RCC1L: variants seen among roughly 807,000 people sequenced by gnomAD.
RCC1L encodes the protein RCC1-like G exchanging factor-like protein.
In RCC1L, 46 loss-of-function variants were observed where a neutral mutation model predicts 58.6. That is an observed-to-expected ratio of 0.79 (90% CI 0.62 to 1.00). The LOEUF is 1.00. Among genes scored for constraint, RCC1L ranks in the 50% least tolerant of loss-of-function variants. The pLI is 0.00. For synonymous variants in RCC1L, 281 were observed against 262.9 expected, an observed-to-expected ratio of 1.07 and a Z score of -0.67; for missense variants, 636 against 623.6, an observed-to-expected ratio of 1.02 and a Z score of -0.21.
intron 2 of RCC1L, 77 bp downstream of exon 2, chr7:75,070,563 C>T (rs1806685554): frequency 6.4e-7 from 1 of 1,560,900 alleles, no homozygotes; most frequent in Non-Finnish European, 8.7e-7. Context: ...GACTGAGACT[C>T]TGTCTCAAAA....
chr7:75,073,397 G>A lies in RCC1L; in HGVS notation c.324+17C>T. On this transcript the variant is annotated intron_variant, in intron 1 of 10. Transcript: ENST00000610322. ...GGAAGAGAGAGAAGGAGAGAAGGAG[G>A]AAGCCGCGGCCTGCACCTTTTGGTC... 8.9e-7 allele frequency: 1 copy of A among 1,118,442 alleles called. No homozygotes were observed. The highest frequency in any genetic ancestry group is 1.2e-6 in the Non-Finnish European group (1 of 850,946). The allele number at this position is 1,118,442 out of a possible 1,614,324, so 69.3% of individuals were successfully genotyped here.
At chr7:75,066,827 A>C (rs1165571538) in intron 2 of RCC1L, 35 bp from the exon 3 acceptor site, 24 of 1,580,412 alleles carry the variant, frequency 1.5e-5, no homozygotes, top group Non-Finnish European at 2.0e-5. Context: ...TGAGGCATGC[A>C]TTTCTACCAC....
chr7:75,040,100 G>A (rs934580462), downstream of RCC1L, among the ~76,000 whole-genome samples: 6 of 152,108 alleles, frequency 3.9e-5, no homozygotes, highest in Non-Finnish European at 8.8e-5. Flanking sequence ...GAGCCCAGCT[G>A]GAAGAAAGAA....
At chr7:75,044,640 C>T (rs1805666417) in intron 10 of RCC1L, among the ~76,000 whole-genome samples, 2 of 148,022 alleles carry the variant, frequency 1.4e-5, no homozygotes, top group South Asian at 4.3e-4. Flanking sequence ...CATTACCACA[C>T]CTATCACCAG....
At chr7:75,037,228 C>A (rs1415731402), downstream of RCC1L, among the ~76,000 whole-genome samples, 1 of 152,144 alleles carries the variant, frequency 6.6e-6, no homozygotes, top group African/African-American at 2.4e-5. Flanking sequence ...TCTGTCACCC[C>A]GGCTGGAGTG....
In RCC1L at chr7:75,064,585, T is replaced by C. The variant is rs886230342; in HGVS notation, c.647A>G (p.Tyr216Cys). 3.1e-6 allele frequency: 5 copies of C among 1,613,798 alleles called. No homozygotes were observed. Among genetic ancestry groups the C allele is most frequent in the African/African-American group, 2.7e-5 (2 of 74,922 alleles). ...CGRKVVENEI[Y>C]SESHRVHRMQ... Reference sequence around the variant, plus strand: ...GGTAGGCCTTTTAGGAACTCACCTGTAAATTTCATTTTCGACCACCTTTCT... The same window carrying C: ...GGTAGGCCTTTTAGGAACTCACCTGCAAATTTCATTTTCGACCACCTTTCT... The change falls in exon 4 of 11, where the codon TAC becomes TGC. Residue 216 changes from tyrosine to cysteine, a missense_variant. Coordinates refer to ENST00000610322, the MANE Select transcript of RCC1L (RefSeq NM_030798.5).
At chr7:75,038,993 A>G (rs1805487958), downstream of RCC1L, among the ~76,000 whole-genome samples, 3 of 152,214 alleles carry the variant, frequency 2.0e-5, no homozygotes, top group Admixed American at 6.5e-5. Context: ...GGCGCGCGTC[A>G]CCACGTCCGG....
chr7:75,071,959 A>G (rs1463757583), intron 1 of RCC1L, among the ~76,000 whole-genome samples: 1 of 150,792 alleles, frequency 6.6e-6, no homozygotes, highest in African/African-American at 2.4e-5. Flanking sequence ...CTATGAAAAA[A>G]TCAAAATTTA....
chr7:75,036,631 C>T (rs936758348), intron 10 of RCC1L, among the ~76,000 whole-genome samples: 9 of 151,978 alleles, frequency 5.9e-5, no homozygotes, highest in Non-Finnish European at 1.2e-4. Flanking sequence ...CGGTAGCTCA[C>T]GCCTGTAATC....
At chr7:75,056,497 A>C in intron 8 of RCC1L, 1 of 1,484,640 alleles carries the variant, frequency 6.7e-7, no homozygotes, top group South Asian at 1.3e-5. Flanking sequence ...GATTCTTAAA[A>C]CTCTTAGAAA....
chr7:75,052,268 A>C (rs1270837495), intron 10 of RCC1L, among the ~76,000 whole-genome samples: 3 of 152,158 alleles, frequency 2.0e-5, no homozygotes, highest in Non-Finnish European at 2.9e-5. Flanking sequence ...TAGCGTGCCA[A>C]CTTCATCCAA....
downstream of RCC1L, among the ~76,000 whole-genome samples, chr7:75,039,861 C>T (rs34220761): frequency 5.9e-5 from 9 of 151,978 alleles, no homozygotes; most frequent in African/African-American, 9.7e-5. Flanking sequence ...TGCAGGAACA[C>T]GATGATCAAG....
chr7:75,052,835 TGAA>T (rs1425285436), intron 9 of RCC1L, 39 bp from the exon 10 acceptor site: 1 of 1,584,790 alleles, frequency 6.3e-7, no homozygotes, highest in African/African-American at 1.3e-5. Context: ...TGGGACTGTG[TGAA>T]GAACAAGTCT....
chr7:75,043,200 G>T (rs1805618247), intron 10 of RCC1L, 91 bp from the exon 11 acceptor site: 9 of 1,412,588 alleles, frequency 6.4e-6, no homozygotes, highest in Non-Finnish European at 9.0e-6. Context: ...CTGCCTCTCA[G>T]TAGGAGACTC....
At position 75,044,662 on chromosome 7, in the gene RCC1L, C is replaced by T. The variant is rs934782896; in HGVS notation, c.1318-1553G>A. 3.3e-5 allele frequency among the ~76,000 whole-genome samples: 5 copies of T among 151,362 alleles called. No individual in the cohort carries two copies. In the East Asian group the frequency reaches 9.7e-4, roughly 29 times the overall value. ...ACACCTATCACCAGCTGCCCCAGTC[C>T]CCATCTGCCTCTGAACTGAAAACTA... On this transcript the variant is annotated intron_variant, in intron 10 of 10. Transcript: ENST00000610322.
chr7:75,057,032 G>A (rs1014727509), intron 8 of RCC1L, among the ~76,000 whole-genome samples: 19 of 152,202 alleles, frequency 1.2e-4, no homozygotes, highest in Admixed American at 5.9e-4. Context: ...GGAGTGCAGT[G>A]GCGCAATCTC....
exon 11 of RCC1L, chr7:75,027,957 T>G: frequency 2.1e-6 from 3 of 1,449,190 alleles, no homozygotes; most frequent in Non-Finnish European, 2.8e-6. Flanking sequence ...TGGAGGGGCA[T>G]GTGTTTCTCA....
chr7:75,041,078 T>G (rs933517219), downstream of RCC1L, among the ~76,000 whole-genome samples: 1 of 151,924 alleles, frequency 6.6e-6, no homozygotes, highest in African/African-American at 2.4e-5. Context: ...ATTAACTGGG[T>G]GTGGTGGCAG....
At position 75,063,480 on chromosome 7, in the gene RCC1L, A is replaced by T. The variant is rs1000865612; in HGVS notation, c.651-137T>A. The T allele has an allele frequency of 4.1e-6, 4 of 972,892 alleles. No individual in the cohort carries two copies. The Admixed American group carries it at 7.4e-5, about 18-fold the overall frequency. 60.3% of individuals were successfully genotyped at this position (972,892 alleles called of 1,614,324 possible). ...ACTGTTGGGGTAACTCTCAAGGTCAAATCTTAGGTCGAGTCAGGCCTGGTC... is the reference window on the plus strand; with the variant it reads ...ACTGTTGGGGTAACTCTCAAGGTCATATCTTAGGTCGAGTCAGGCCTGGTC... On this transcript the variant is annotated intron_variant, in intron 4 of 10. Transcript: ENST00000610322.
Sources: allele counts gnomAD v4.1 joint callset (sites outside exome capture counted in the v4.1 genomes callset), GRCh38; gene constraint gnomAD v4.1.1; transcripts MANE v1.5; gene names NCBI Gene and HGNC (gene_info 2026-07-23, HGNC 2026-07-21).